Variants in VWA3A observed in about 807,000 individuals in gnomAD.
VWA3A encodes the protein von Willebrand factor A domain-containing protein 3A.
VWA3A carries 134 observed loss-of-function variants against 160.4 expected under a neutral mutation model. The ratio of observed to expected loss-of-function variants is 0.84; its 90% CI spans 0.73 to 0.96. The LOEUF is 0.96. Ranked by LOEUF, VWA3A falls within the 40% of genes least tolerant of loss-of-function variation. The pLI is 0.00. For synonymous variants in VWA3A, 476 were observed against 543.4 expected, an observed-to-expected ratio of 0.88 and a Z score of 1.72; for missense variants, 1,310 against 1,447.9, an observed-to-expected ratio of 0.90 and a Z score of 1.55.
At chr16:22,123,424 C>T (rs1303396583) in intron 15 of VWA3A, 189 bp from the exon 16 acceptor site, 10 of 1,521,146 alleles carry the variant, frequency 6.6e-6, no homozygotes, top group East Asian at 2.5e-5. Context: ...AATGAAATAC[C>T]GTGTGACTCT....
chr16:22,132,914 C>A lies in VWA3A; in HGVS notation c.1887C>A (p.Ala629=), dbSNP rs926378261. 3.1e-6 allele frequency: 5 copies of A among 1,613,406 alleles called. No homozygotes were observed. In the African/African-American group the frequency reaches 6.7e-5, roughly 22 times the overall value. Residue 629 remains alanine, a synonymous_variant, in exon 20 of 34, where the codon GCC becomes GCA. Transcript: ENST00000389398. Reference sequence around the variant, plus strand: ...TTCCCCACCAGCCTACACTCAGTGCCTACATGGCTGAGGCCTGTGGCGGCT... The same window carrying A: ...TTCCCCACCAGCCTACACTCAGTGCATACATGGCTGAGGCCTGTGGCGGCT... ...IPDQDMPTLS[A]YMAEACGGCD...
intron 16 of VWA3A, among the ~76,000 whole-genome samples, chr16:22,125,395 A>ATG (rs565012530): frequency 4.4e-4 from 64 of 145,366 alleles, no homozygotes; most frequent in Middle Eastern, 3.5e-3. Flanking sequence ...ATATATATAT[A>ATG]TTTGTTGTGT....
chr16:22,093,939 A>ATT (rs11400675), intron 1 of VWA3A, among the ~76,000 whole-genome samples: 201 of 141,116 alleles, frequency 1.4e-3, no homozygotes, highest in African/African-American at 4.2e-3. Context: ...TAATTTTTGT[A>ATT]TTTTTTTTTT....
chr16:22,125,836 T>C (rs1262819118), intron 16 of VWA3A, among the ~76,000 whole-genome samples: 1 of 152,236 alleles, frequency 6.6e-6, no homozygotes, highest in Non-Finnish European at 1.5e-5. Flanking sequence ...AATATACATA[T>C]ATATTTTTTC....
chr16:22,117,367 C>T (rs1044758539), intron 11 of VWA3A, among the ~76,000 whole-genome samples, 191 bp downstream of exon 11: 1 of 152,206 alleles, frequency 6.6e-6, no homozygotes, highest in East Asian at 1.9e-4. Flanking sequence ...CCAGGGACAA[C>T]CTGAAGTCAC....
At chr16:22,139,466 C>T (rs2046104015) in intron 22 of VWA3A, among the ~76,000 whole-genome samples, 1 of 152,094 alleles carries the variant, frequency 6.6e-6, no homozygotes, top group South Asian at 2.1e-4. Flanking sequence ...GAGGCCAAGG[C>T]AGGCGGATCA....
At position 22,138,665 on chromosome 16, in the gene VWA3A, G is replaced by A. The variant is rs1026718341; in HGVS notation, c.2292+153G>A. On this transcript the variant is annotated intron_variant, in intron 22 of 33. Transcript: ENST00000389398. ...GGGTGCCTCTTGCCCAGGCCTCCAG[G>A]GGGAAAATCTCCCGCGGGGGGCCGG... The A allele has an allele frequency of 3.9e-6, 4 of 1,034,860 alleles. No individual in the cohort carries two copies. In the African/African-American group the frequency reaches 6.5e-5, roughly 17 times the overall value. The allele number at this position is 1,034,860 out of a possible 1,614,324, so 64.1% of individuals were successfully genotyped here. A position where few individuals can be genotyped will look rare whatever the true frequency, so the allele number is the denominator to read the frequency against.
Position 22,118,983 on chromosome 16 carries a change from C to A in VWA3A, c.1072C>A (p.Gln358Lys), listed in dbSNP as rs1360695332. 2 of 1,613,656 alleles carry A rather than the reference C, an allele frequency of 1.2e-6. No homozygotes were observed. The highest frequency in any genetic ancestry group is 2.7e-5 in the African/African-American group (2 of 74,932). Residue 358 changes from glutamine to lysine, a missense_variant, in exon 12 of 34, where the codon CAG becomes AAG. Gln to Lys is a moderately conservative substitution (Grantham distance 53). Transcript: ENST00000389398. ...QSLLSHVQAL[Q>K]HSSPCEALTC... is the part of the protein sequence containing the mutation. ...CCTCCTCAGCCACGTGCAAGCCCTG[C>A]AGCACAGCAGCCCCTGTGAGGCGCT... is the stretch of plus-strand genomic sequence containing the variant.
rs369479587 is a variant in VWA3A, at chr16:22,144,377, A to G, written c.2723A>G (p.Glu908Gly). ...AKHCSIFPSV[E>G]IHGVVRHIQW... ...CACTGCAGCATCTTCCCCAGCGTTGAGATCCATGTAAGTCACAATTTTCAT... is the reference window on the plus strand; with the variant it reads ...CACTGCAGCATCTTCCCCAGCGTTGGGATCCATGTAAGTCACAATTTTCAT... Residue 908 changes from glutamate to glycine, a missense_variant, in exon 26 of 34, where the codon GAG (glutamate) becomes GGG (glycine). By Grantham distance (98) the Glu-to-Gly change is moderately conservative. Coordinates refer to ENST00000389398, the MANE Select transcript of VWA3A (RefSeq NM_173615.5). 1.2e-6 allele frequency: 2 copies of G among 1,607,444 alleles called. No individual in the cohort carries two copies. Among genetic ancestry groups the G allele is most frequent in the Non-Finnish European group, 1.7e-6 (2 of 1,178,530 alleles).
intron 14 of VWA3A, 86 bp from the exon 15 acceptor site, chr16:22,122,996 CCTG>C: frequency 8.9e-7 from 1 of 1,129,832 alleles, no homozygotes; most frequent in Non-Finnish European, 1.3e-6. Flanking sequence ...ACTTCACTCT[CCTG>C]CACCTGATTT....
intron 9 of VWA3A, among the ~76,000 whole-genome samples, chr16:22,115,907 AAGG>A (rs1340525820): frequency 4.1e-4 from 14 of 33,864 alleles, no homozygotes; most frequent in East Asian, 3.4e-3. Flanking sequence ...GGAAGGAAGG[AAGG>A]AAGGAAGGAA....
chr16:22,148,412 AT>A, intron 28 of VWA3A, 106 bp downstream of exon 28: 1 of 1,417,842 alleles, frequency 7.1e-7, no homozygotes, highest in Non-Finnish European at 9.4e-7. Flanking sequence ...AGTTTCTGAG[AT>A]GCTCTTCTGA....
chr16:22,153,146 G>A (rs1335464317), intron 31 of VWA3A, among the ~76,000 whole-genome samples: 1 of 152,134 alleles, frequency 6.6e-6, no homozygotes, highest in Non-Finnish European at 1.5e-5. Context: ...AGGAGTTTGA[G>A]ACCAGCCTGG....
At chr16:22,118,541 C>T (rs2045682473) in intron 11 of VWA3A, among the ~76,000 whole-genome samples, 1 of 152,036 alleles carries the variant, frequency 6.6e-6, no homozygotes, top group Non-Finnish European at 1.5e-5. Context: ...AAAAAATTAG[C>T]CGGGCGTGGT....
At chr16:22,102,962 T>G (rs2045428706) in intron 5 of VWA3A, among the ~76,000 whole-genome samples, 1 of 152,230 alleles carries the variant, frequency 6.6e-6, no homozygotes, top group Admixed American at 6.5e-5. Context: ...ATTTATCCTG[T>G]GCACTGTGTC....
At chr16:22,123,413 C>A (rs1296963181) in intron 15 of VWA3A, 200 bp from the exon 16 acceptor site, 1 of 1,504,078 alleles carries the variant, frequency 6.6e-7, no homozygotes, top group Admixed American at 2.0e-5. Flanking sequence ...CCATTTGATG[C>A]AATGAAATAC....
chr16:22,149,834 C>T lies in VWA3A; in HGVS notation c.3032C>T (p.Thr1011Met), dbSNP rs200724524. Reference sequence around the variant, plus strand: ...GAGAGCTTTCAGTCATGGCAGGACACGCTGGTGGAGACCACAGATGCAGCG... The same window carrying T: ...GAGAGCTTTCAGTCATGGCAGGACATGCTGGTGGAGACCACAGATGCAGCG... ...FAESFQSWQD[T>M]LVETTDAACH... Residue 1011 changes from threonine (T) to methionine (M), a missense_variant, in exon 29 of 34, where the codon ACG becomes ATG. Physicochemically the swap from Thr to Met is moderately conservative, Grantham distance 81. Transcript: ENST00000389398. 48 of 1,600,868 alleles carry T rather than the reference C, an allele frequency of 3.0e-5. 1 individual carries two copies. The highest frequency in any genetic ancestry group is 3.3e-4 in the Middle Eastern group (2 of 6,010).
Position 22,092,545 on chromosome 16 carries a change from T to TGCTTGGAGGA in VWA3A, c.-84_-75dup. ...CGCAGGGCAAGCTTCGCTGCTGAGTTGCTTGGAGGAGCTTGGAGAAACCAG... is the reference window on the plus strand; with the variant it reads ...CGCAGGGCAAGCTTCGCTGCTGAGTTGCTTGGAGGAGCTTGGAGGAGCTTGGAGAAACCAG... On this transcript the variant is annotated 5_prime_UTR_variant, in exon 1 of 34. Transcript: ENST00000389398. The TGCTTGGAGGA allele has an allele frequency of 2.0e-6, 3 of 1,504,980 alleles. No individual in the cohort carries two copies. Among genetic ancestry groups the TGCTTGGAGGA allele is most frequent in the Middle Eastern group, 1.7e-4 (1 of 5,748 alleles). The allele number at this position is 1,504,980 out of a possible 1,614,324, so 93.2% of individuals were successfully genotyped here. A position where few individuals can be genotyped will look rare whatever the true frequency, so the allele number is the denominator to read the frequency against.
At chr16:22,126,050 G>C (rs2045842640) in intron 16 of VWA3A, 128 bp from the exon 17 acceptor site, 1 of 1,346,192 alleles carries the variant, frequency 7.4e-7, no homozygotes, top group East Asian at 2.6e-5. Context: ...CCACAGAGAA[G>C]ATTTTGGCCA....
Sources: allele counts gnomAD v4.1 joint callset (sites outside exome capture counted in the v4.1 genomes callset), GRCh38; gene constraint gnomAD v4.1.1; transcripts MANE v1.5; gene names NCBI Gene and HGNC (gene_info 2026-07-23, HGNC 2026-07-21).